The following AFDN variants were observed in gnomAD, a reference collection of about 807,000 sequenced individuals.
AFDN encodes the protein afadin, adherens junction formation factor.
AFDN carries 68 observed loss-of-function variants against 216.6 expected under a neutral mutation model. The ratio of observed to expected loss-of-function variants is 0.31; its 90% CI spans 0.26 to 0.38. AFDN has a LOEUF of 0.38. Ranked by LOEUF, AFDN falls within the 10% of genes least tolerant of loss-of-function variation. AFDN has a pLI of 1.00. For synonymous variants in AFDN, 868 were observed against 853.7 expected, an observed-to-expected ratio of 1.02 and a Z score of -0.29; for missense variants, 2,136 against 2,342.0, an observed-to-expected ratio of 0.91 and a Z score of 1.82.
In AFDN at chr6:167,962,356, A is replaced by C; in HGVS notation, c.4834-77A>C. 6.3e-7 allele frequency: 1 copy of C among 1,585,896 alleles called. No homozygotes were observed. Among genetic ancestry groups the C allele is most frequent in the Non-Finnish European group, 8.6e-7 (1 of 1,161,976 alleles). On this transcript the variant is annotated intron_variant, in intron 30 of 33. Transcript: ENST00000683244. This position sits in a 1 kb window ranked among gnomAD's most constrained non-coding sequence, Gnocchi z 5.2. Reference sequence around the variant, plus strand: ...TGTGTGTTTGTGTATATGTGTGTCTACTTGTCTTAATGTGTGCATTTTATG... The same window carrying C: ...TGTGTGTTTGTGTATATGTGTGTCTCCTTGTCTTAATGTGTGCATTTTATG...
At position 167,917,140 on chromosome 6, in the gene AFDN, A is replaced by G; in HGVS notation, c.2617A>G (p.Ile873Val). 6.2e-7 allele frequency: 1 copy of G among 1,613,374 alleles called. No individual in the cohort carries two copies. The highest frequency in any genetic ancestry group is 8.5e-7 in the Non-Finnish European group (1 of 1,179,794). ...GTATGCACCTGATGACATTCCAAAT[A>G]TAAACAGCACCTGCTTTAAGTTAAA... ...DKYAPDDIPN[I>V]NSTCFKLNSL... is the part of the protein sequence containing the mutation. The change falls in exon 20 of 34, where the codon ATA (isoleucine) becomes GTA (valine). Residue 873 changes from isoleucine (I) to valine (V), a missense_variant. Physicochemically the swap from Ile to Val is conservative, Grantham distance 29 (BLOSUM62 3). Coordinates refer to ENST00000683244, the MANE Select transcript of AFDN (RefSeq NM_001386888.1).
intron 3 of AFDN, among the ~76,000 whole-genome samples, chr6:167,871,534 G>C (rs531120355): frequency 6.6e-6 from 1 of 152,234 alleles, no homozygotes; most frequent in South Asian, 2.1e-4. Flanking sequence ...CATCACAATA[G>C]CCATTCTTTT....
chr6:167,928,320 T>C (rs556264525), intron 23 of AFDN, among the ~76,000 whole-genome samples: 4 of 152,330 alleles, frequency 2.6e-5, no homozygotes, highest in African/African-American at 9.6e-5. Flanking sequence ...GTCTCTGAAT[T>C]TTGACCTCTG....
Position 167,965,905 on chromosome 6 carries a change from C to A in AFDN, c.5117C>A (p.Pro1706His). ...PRDYEPPSPSPAPGAPPPPPQ... is the reference protein window; with the variant it reads ...PRDYEPPSPSHAPGAPPPPPQ... Reference sequence around the variant, plus strand: ...GACTACGAGCCCCCGTCCCCGTCCCCCGCGCCCGGCGCCCCTCCTCCCCCG... The same window carrying A: ...GACTACGAGCCCCCGTCCCCGTCCCACGCGCCCGGCGCCCCTCCTCCCCCG... Residue 1706 changes from proline to histidine, a missense_variant, in exon 32 of 34, where the codon CCC becomes CAC. Coordinates refer to ENST00000683244, the MANE Select transcript of AFDN (RefSeq NM_001386888.1). 1 of 1,549,738 alleles carries A rather than the reference C, an allele frequency of 6.5e-7. No homozygotes were observed. Among genetic ancestry groups the A allele is most frequent in the Non-Finnish European group, 8.7e-7 (1 of 1,146,620 alleles).
chr6:167,870,308 A>C lies in AFDN; in HGVS notation c.302-78A>C, dbSNP rs542580467. 3 of 799,354 alleles carry C rather than the reference A, an allele frequency of 3.8e-6. No individual in the cohort carries two copies. The East Asian group carries it at 7.9e-5, about 21-fold the overall frequency. The allele number at this position is 799,354 out of a possible 1,614,324, so 49.5% of individuals were successfully genotyped here. A position where few individuals can be genotyped will look rare whatever the true frequency, so the allele number is the denominator to read the frequency against. ...GTGCTTTGTCTATAAAATTAAATGTATATCAGAATGCTTGTATTAGCTAGT... is the reference window on the plus strand; with the variant it reads ...GTGCTTTGTCTATAAAATTAAATGTCTATCAGAATGCTTGTATTAGCTAGT... On this transcript the variant is annotated intron_variant, in intron 2 of 33. Transcript: ENST00000683244.
chr6:167,943,886 A>G (rs970912177), intron 25 of AFDN, 55 bp from the exon 26 acceptor site: 1 of 1,425,788 alleles, frequency 7.0e-7, no homozygotes, highest in African/African-American at 1.4e-5. Flanking sequence ...GCGATTCATG[A>G]CAGAGCAGGC....
intron 23 of AFDN, among the ~76,000 whole-genome samples, chr6:167,938,152 G>A (rs1045821377): frequency 3.9e-5 from 6 of 152,216 alleles, no homozygotes; most frequent in Non-Finnish European, 5.9e-5. Flanking sequence ...AGGTGAGTGG[G>A]CTGGCAGGTG....
intron 23 of AFDN, among the ~76,000 whole-genome samples, chr6:167,935,528 GT>G (rs1261300585): frequency 5.3e-5 from 8 of 152,136 alleles, no homozygotes; most frequent in African/African-American, 1.9e-4. Flanking sequence ...AATTCCTGAT[GT>G]CTTTGGAATC....
At chr6:167,934,134 G>A (rs1019169523) in intron 23 of AFDN, among the ~76,000 whole-genome samples, 1 of 152,192 alleles carries the variant, frequency 6.6e-6, no homozygotes, top group Non-Finnish European at 1.5e-5. Context: ...GCGGTCTTTG[G>A]GGGTTTATGG....
In AFDN at chr6:167,845,681, G is replaced by A. The variant is rs574033579; in HGVS notation, c.105+18444G>A. Among the ~76,000 whole-genome samples, 4 of 152,258 alleles carry A rather than the reference G, an allele frequency of 2.6e-5. No homozygotes were observed. In the South Asian group the frequency reaches 8.3e-4, roughly 32 times the overall value. ...GTGAGCCACCACGCCTGGCCTAAATGAATATTTCTTAATACTTTGTTTTCT... is the reference window on the plus strand; with the variant it reads ...GTGAGCCACCACGCCTGGCCTAAATAAATATTTCTTAATACTTTGTTTTCT... On this transcript the variant is annotated intron_variant, in intron 1 of 33. Coordinates refer to ENST00000683244, the MANE Select transcript of AFDN (RefSeq NM_001386888.1).
chr6:167,902,266 C>T lies in AFDN; in HGVS notation c.1581-51C>T, dbSNP rs373079074. Reference sequence around the variant, plus strand: ...CTTGTGTATTAAGAAGAGACTATGCCTGTCATTGGAATGTTATTAAGTCAG... The same window carrying T: ...CTTGTGTATTAAGAAGAGACTATGCTTGTCATTGGAATGTTATTAAGTCAG... On this transcript the variant is annotated intron_variant, in intron 11 of 33. Transcript: ENST00000683244. 1.4e-5 allele frequency: 18 copies of T among 1,315,214 alleles called. No homozygotes were observed. In the African/African-American group the frequency reaches 1.7e-4, roughly 13 times the overall value. The allele number at this position is 1,315,214 out of a possible 1,614,324, so 81.5% of individuals were successfully genotyped here. A position where few individuals can be genotyped will look rare whatever the true frequency, so the allele number is the denominator to read the frequency against.
At position 167,914,696 on chromosome 6, in the gene AFDN, C is replaced by G. The variant is rs1790819479; in HGVS notation, c.2257C>G (p.Leu753Val). 1.9e-6 allele frequency: 3 copies of G among 1,613,576 alleles called. No homozygotes were observed. The highest frequency in any genetic ancestry group is 2.5e-6 in the Non-Finnish European group (3 of 1,179,700). Residue 753 changes from leucine (L) to valine (V), a missense_variant, in exon 18 of 34, where the codon CTA becomes GTA. Physicochemically the swap from Leu to Val is conservative, Grantham distance 32. Transcript: ENST00000683244. ...ACTTAATAATTACATGCCAGCCTTTCTAGATGACCCTGAAGAGAACAGTCT... is the reference window on the plus strand; with the variant it reads ...ACTTAATAATTACATGCCAGCCTTTGTAGATGACCCTGAAGAGAACAGTCT... Reference protein sequence around the residue: ...SELNNYMPAFLDDPEENSLQR... With the variant: ...SELNNYMPAFVDDPEENSLQR...
chr6:167,851,929 CTG>C (rs1173223884), intron 1 of AFDN, among the ~76,000 whole-genome samples: 1 of 152,170 alleles, frequency 6.6e-6, no homozygotes, highest in Non-Finnish European at 1.5e-5. Flanking sequence ...GTAATTATAA[CTG>C]AATTATTTTC....
intron 1 of AFDN, among the ~76,000 whole-genome samples, chr6:167,860,604 G>T (rs995912746): frequency 1.3e-5 from 2 of 152,176 alleles, no homozygotes; most frequent in African/African-American, 4.8e-5. Flanking sequence ...ATAAAGTGGA[G>T]ATTTGAGTTC....
chr6:167,872,437 C>T, intron 4 of AFDN, 60 bp downstream of exon 4: 2 of 1,528,396 alleles, frequency 1.3e-6, no homozygotes, highest in Non-Finnish European at 1.8e-6. Flanking sequence ...GTTTTTGTTG[C>T]ACCAAAATTG....
chr6:167,904,648 A>G (rs1424512699), intron 12 of AFDN, among the ~76,000 whole-genome samples: 2 of 152,166 alleles, frequency 1.3e-5, no homozygotes, highest in Non-Finnish European at 2.9e-5. Flanking sequence ...TTAGAAGACA[A>G]TACTACCATC....
chr6:167,827,059 C>A lies in AFDN; in HGVS notation c.-74C>A. The A allele has an allele frequency of 5.9e-6, 4 of 682,662 alleles. No individual in the cohort carries two copies. Among genetic ancestry groups the A allele is most frequent in the Non-Finnish European group, 5.5e-6 (3 of 549,228 alleles). The allele number at this position is 682,662 out of a possible 1,614,324, so 42.3% of individuals were successfully genotyped here. On this transcript the variant is annotated 5_prime_UTR_variant, in exon 1 of 34. Transcript: ENST00000683244. ...GCGGGGGGTGGCGAGGGGCGCCGGGCCCCCGCGGACCTGTCGTCCTCGGCC... is the reference window on the plus strand; with the variant it reads ...GCGGGGGGTGGCGAGGGGCGCCGGGACCCCGCGGACCTGTCGTCCTCGGCC...
In AFDN at chr6:167,827,107, G is replaced by T. The variant is rs760317158; in HGVS notation, c.-26G>T. The T allele has an allele frequency of 1.7e-6, 2 of 1,209,140 alleles. No individual in the cohort carries two copies. Among genetic ancestry groups the T allele is most frequent in the Admixed American group, 3.0e-5 (1 of 33,028 alleles). 74.9% of individuals were successfully genotyped at this position (1,209,140 alleles called of 1,614,324 possible). ...GCCCGTCCTCCGGCCCCGGCCCCGC[G>T]CGGCTGAGGAGGCGCGGCCAGGACC... On this transcript the variant is annotated 5_prime_UTR_variant, in exon 1 of 34. Coordinates refer to ENST00000683244, the MANE Select transcript of AFDN (RefSeq NM_001386888.1).
chr6:167,862,045 A>G (rs1264951347), intron 1 of AFDN, among the ~76,000 whole-genome samples: 1 of 152,222 alleles, frequency 6.6e-6, no homozygotes, highest in Non-Finnish European at 1.5e-5. Flanking sequence ...TGGTAGTGTG[A>G]AAGTATTGGA....
Sources: allele counts gnomAD v4.1 joint callset (sites outside exome capture counted in the v4.1 genomes callset), GRCh38; gene constraint gnomAD v4.1.1; non-coding constraint Gnocchi (gnomAD v3.1); transcripts MANE v1.5; gene names NCBI Gene and HGNC (gene_info 2026-07-23, HGNC 2026-07-21).